The following CCDC102B variants were observed in gnomAD, a reference collection of about 807,000 sequenced individuals.
CCDC102B encodes coiled-coil domain-containing protein 102B.
CCDC102B carries 75 observed loss-of-function variants against 57.4 expected under a neutral mutation model. The ratio of observed to expected loss-of-function variants is 1.31; its 90% CI spans 1.08 to 1.58. The LOEUF (loss-of-function observed/expected upper bound fraction) is 1.58. Among genes scored for constraint, CCDC102B ranks in the 40% most tolerant of loss-of-function variants. The pLI is 0.00. For synonymous variants in CCDC102B, 206 were observed against 201.9 expected (o/e 1.02, Z -0.17); for missense variants, 636 against 582.6 (o/e 1.09, Z -0.94).
intron 7 of CCDC102B, among the ~76,000 whole-genome samples, chr18:69,042,967 G>A (rs1304854776): frequency 2.6e-5 from 4 of 152,126 alleles, no homozygotes; most frequent in African/African-American, 7.2e-5. Context: ...AGTGGACCCG[G>A]GGAACCAGCG....
rs1233925707 is a variant in CCDC102B, at chr18:68,857,302, T to TA, written c.936+10883dup. ...AATATATATTTATATATTATATATA[T>TA]AATATATATTTATATATTATATATA... On this transcript the variant is annotated intron_variant, in intron 4 of 7. Coordinates refer to ENST00000360242, the MANE Select transcript of CCDC102B (RefSeq NM_024781.3). 4.7e-3 allele frequency among the ~76,000 whole-genome samples: 30 copies of TA among 6,420 alleles called. 5 individuals carry two copies. Among genetic ancestry groups the TA allele is most frequent in the Admixed American group, 0.029 (9 of 308 alleles). The allele number at this position is 6,420 out of a possible 152,430, so 4.2% of individuals were successfully genotyped here. A position where few individuals can be genotyped will look rare whatever the true frequency, so the allele number is the denominator to read the frequency against.
chr18:68,748,867 T>C (rs916382595), intron 2 of CCDC102B, among the ~76,000 whole-genome samples: 3 of 152,108 alleles, frequency 2.0e-5, no homozygotes, highest in Non-Finnish European at 4.4e-5. Context: ...GAGAAAAGCA[T>C]AGGAGGGAAA....
intron 5 of CCDC102B, among the ~76,000 whole-genome samples, chr18:68,882,858 G>A (rs2039741466): frequency 1.3e-5 from 2 of 152,072 alleles, no homozygotes; most frequent in Admixed American, 1.3e-4. Flanking sequence ...GGGGCTAGAG[G>A]CCATTATCCT....
chr18:68,756,990 T>C (rs1423362363), intron 2 of CCDC102B, among the ~76,000 whole-genome samples: 1 of 151,998 alleles, frequency 6.6e-6, no homozygotes, highest in Non-Finnish European at 1.5e-5. Flanking sequence ...AACTGGGTGG[T>C]GGTCAAGCCT....
At chr18:68,759,325 TAAAG>T (rs1318399563) in intron 2 of CCDC102B, among the ~76,000 whole-genome samples, 21 of 152,124 alleles carry the variant, frequency 1.4e-4, no homozygotes, top group African/African-American at 4.8e-4. Context: ...TATAGGAACT[TAAAG>T]AAATGAGTTG....
rs775838154 is a variant in CCDC102B, at chr18:68,846,381, A to G, written c.896A>G (p.Tyr299Cys). 4.4e-6 allele frequency: 7 copies of G among 1,591,818 alleles called. No homozygotes were observed. In the East Asian group the frequency reaches 1.6e-4, roughly 38 times the overall value. The change falls in exon 4 of 8, where the codon TAT becomes TGT. Residue 299 changes from tyrosine to cysteine, a missense_variant. Transcript: ENST00000360242. The part of the protein sequence containing the change: ...ESALSLWKWK[Y>C]EELKESKPKN... ...GCTTTGTCTCTGTGGAAGTGGAAGT[A>G]TGAAGAACTGAAAGAATCAAAGCCA... is the stretch of plus-strand genomic sequence containing the variant.
intron 2 of CCDC102B, among the ~76,000 whole-genome samples, chr18:68,727,467 G>A (rs988717869): frequency 1.3e-5 from 2 of 152,172 alleles, no homozygotes; most frequent in African/African-American, 4.8e-5. Flanking sequence ...ATCCCAACAT[G>A]CAGGCAAATG....
rs60345326 is a variant in CCDC102B, at chr18:69,011,684, G to GT, written c.1434+589dup. On this transcript the variant is annotated intron_variant, in intron 7 of 7. Coordinates refer to ENST00000360242, the MANE Select transcript of CCDC102B (RefSeq NM_024781.3). Reference sequence around the variant, plus strand: ...ACAAACAAAGTTGTTTTTGTTTTTTGTTTTTTTTTAAAGAAACACAGTCTT... The same window carrying GT: ...ACAAACAAAGTTGTTTTTGTTTTTTGTTTTTTTTTTAAAGAAACACAGTCTT... 8.3e-3 allele frequency among the ~76,000 whole-genome samples: 1,231 copies of GT among 148,790 alleles called. 20 individuals carry two copies. Among genetic ancestry groups the GT allele is most frequent in the African/African-American group, 0.028 (1,146 of 40,500 alleles).
chr18:68,846,059 A>C (rs1017391918), intron 3 of CCDC102B, among the ~76,000 whole-genome samples: 1 of 151,836 alleles, frequency 6.6e-6, no homozygotes, highest in Non-Finnish European at 1.5e-5. Flanking sequence ...AGAAGAAAGC[A>C]AGCAGAATGT....
chr18:68,747,446 GTGT>G (rs1387883841), intron 2 of CCDC102B, among the ~76,000 whole-genome samples: 1 of 152,002 alleles, frequency 6.6e-6, no homozygotes, highest in Non-Finnish European at 1.5e-5. Flanking sequence ...TGCAGGCATG[GTGT>G]TGTACAGATT....
intron 6 of CCDC102B, among the ~76,000 whole-genome samples, chr18:68,977,041 A>G (rs1382727252): frequency 1.3e-5 from 2 of 152,006 alleles, no homozygotes; most frequent in Non-Finnish European, 2.9e-5. Context: ...ATAAATCCTG[A>G]TCTAATTTAT....
chr18:69,000,090 C>G (rs1029428794), intron 6 of CCDC102B, among the ~76,000 whole-genome samples: 2 of 151,966 alleles, frequency 1.3e-5, no homozygotes, highest in African/African-American at 4.8e-5. Flanking sequence ...TTTCTAAGTC[C>G]CTCCAAAGGC....
rs564301247 is a variant in CCDC102B at position 68,895,086 on chromosome 18, G to A, written c.1054-2133G>A. ...AACTTTATCATTTTTATTCTGATAA[G>A]TGAGGCAATGATAGAAACTTTAAGT... On this transcript the variant is annotated intron_variant, in intron 5 of 7. Transcript: ENST00000360242. Among the ~76,000 whole-genome samples the A allele has an allele frequency of 1.1e-4, 16 of 151,846 alleles. 1 individual carries two copies. In the South Asian group the frequency reaches 2.9e-3, roughly 28 times the overall value.
chr18:68,774,598 C>G (rs1473595588), intron 2 of CCDC102B, among the ~76,000 whole-genome samples: 1 of 151,842 alleles, frequency 6.6e-6, no homozygotes, highest in Non-Finnish European at 1.5e-5. Flanking sequence ...TATTTTACAG[C>G]TATTTTTGTC....
At chr18:69,011,943 T>G (rs974359456) in intron 7 of CCDC102B, among the ~76,000 whole-genome samples, 3 of 152,180 alleles carry the variant, frequency 2.0e-5, no homozygotes, top group African/African-American at 7.2e-5. Context: ...GAATTTGTTT[T>G]TAGTAAAAAC....
chr18:68,752,682 A>T (rs144520511), intron 2 of CCDC102B, among the ~76,000 whole-genome samples: 14 of 152,308 alleles, frequency 9.2e-5, no homozygotes, highest in Non-Finnish European at 1.3e-4. Context: ...GATTTATTCA[A>T]TGTGATTGTT....
rs115316066 is a variant in CCDC102B, at chr18:68,873,171, A to G, written c.937-1498A>G. ...ATGCCACATTGTCTATTTAACTTCC[A>G]TGATAGTGAGCTGGACTTGCATATT... On this transcript the variant is annotated intron_variant, in intron 4 of 7. Coordinates refer to ENST00000360242, the MANE Select transcript of CCDC102B (RefSeq NM_024781.3). Among the ~76,000 whole-genome samples, 1,035 of 152,228 alleles carry G rather than the reference A, an allele frequency of 6.8e-3. 11 individuals are homozygous for G. The highest frequency in any genetic ancestry group is 0.023 in the African/African-American group (967 of 41,552).
Position 69,054,622 on chromosome 18 carries a change from A to G in CCDC102B, c.*485A>G. The stretch of plus-strand genomic sequence containing the variant: ...AAATGAATCATTCTAGAGGTGTAAC[A>G]ATACATTTCTTATATAATTTTATAA... On this transcript the variant is annotated 3_prime_UTR_variant, in exon 8 of 8. Coordinates refer to ENST00000360242, the MANE Select transcript of CCDC102B (RefSeq NM_024781.3). 3 of 980,302 alleles carry G rather than the reference A, an allele frequency of 3.1e-6. No individual in the cohort carries two copies. The highest frequency in any genetic ancestry group is 3.6e-6 in the Non-Finnish European group (3 of 825,324). 60.7% of individuals were successfully genotyped at this position (980,302 alleles called of 1,614,324 possible).
intron 4 of CCDC102B, among the ~76,000 whole-genome samples, chr18:68,849,405 A>G (rs2038023256): frequency 6.6e-6 from 1 of 152,092 alleles, no homozygotes; most frequent in Non-Finnish European, 1.5e-5. Context: ...AGAAGTGACT[A>G]TAAATATTAA....
Sources: gnomAD v4.1 joint callset for allele counts (sites outside exome capture counted in the v4.1 genomes callset) on GRCh38, gnomAD v4.1.1 for gene constraint, MANE v1.5 for transcripts, NCBI Gene and HGNC (gene_info 2026-07-23, HGNC 2026-07-21) for gene names.